KREMEN1: variants seen among roughly 807,000 people sequenced by gnomAD.
KREMEN1 encodes the protein kremen protein 1.
In KREMEN1, 30 loss-of-function variants were observed where a neutral mutation model predicts 46.5. That is an observed-to-expected ratio of 0.65 (90% CI 0.48 to 0.88). The LOEUF is 0.88. Ranked by LOEUF, KREMEN1 falls within the 40% of genes least tolerant of loss-of-function variation. The pLI is 0.00. For synonymous variants in KREMEN1, 214 were observed against 230.6 expected (o/e 0.93, Z 0.65); for missense variants, 533 against 596.9 (o/e 0.89, Z 1.11).
At chr22:29,097,994 C>T (rs1419693578) in intron 2 of KREMEN1, among the ~76,000 whole-genome samples, 1 of 152,048 alleles carries the variant, frequency 6.6e-6, no homozygotes, top group African/African-American at 2.4e-5. Flanking sequence ...CCAGACTGGC[C>T]AATATGGTGA....
rs371862559 is a variant in KREMEN1, at chr22:29,166,813, A to G, written c.1417-231A>G. On this transcript the variant is annotated intron_variant, in intron 9 of 9. Coordinates refer to the KREMEN1 transcript ENST00000327813. The stretch of plus-strand genomic sequence containing the variant: ...CCTAATGTGGTGGCACATGCCTGTA[A>G]TCCCAGCTATTCAGGAAGCTGAGGC... 1.9e-3 allele frequency among the ~76,000 whole-genome samples: 282 copies of G among 152,266 alleles called. 1 individual carries two copies. Among genetic ancestry groups the G allele is most frequent in the African/African-American group, 6.4e-3 (265 of 41,548 alleles).
chr22:29,109,361 T>C (rs879883401), intron 3 of KREMEN1, among the ~76,000 whole-genome samples: 2 of 152,170 alleles, frequency 1.3e-5, no homozygotes, highest in Admixed American at 1.3e-4. Context: ...CTCAATCTTA[T>C]GATGTAATTG....
At chr22:29,091,832 G>A (rs1214103404) in intron 1 of KREMEN1, among the ~76,000 whole-genome samples, 1 of 152,220 alleles carries the variant, frequency 6.6e-6, no homozygotes, top group African/African-American at 2.4e-5. Context: ...AAGATGATGA[G>A]AAGGGCTTTC....
chr22:29,096,342 G>T (rs1280970481), intron 2 of KREMEN1, among the ~76,000 whole-genome samples: 1 of 152,172 alleles, frequency 6.6e-6, no homozygotes, highest in Non-Finnish European at 1.5e-5. Flanking sequence ...CTTCTCAGAA[G>T]AGCTCATGTT....
chr22:29,076,790 A>T (rs186920147), intron 1 of KREMEN1, among the ~76,000 whole-genome samples: 1,642 of 152,298 alleles, frequency 0.011, 11 homozygotes, highest in Non-Finnish European at 0.016. Context: ...AGGCAGAGGT[A>T]GCGGTGAGTT....
intron 3 of KREMEN1, among the ~76,000 whole-genome samples, chr22:29,102,610 A>G (rs746381506): frequency 2.2e-4 from 34 of 152,238 alleles, no homozygotes; most frequent in Non-Finnish European, 3.7e-4. Context: ...AGTCTGGGCC[A>G]ATAGGGACTG....
At chr22:29,135,091 C>T (rs920232326) in intron 5 of KREMEN1, among the ~76,000 whole-genome samples, 2 of 152,180 alleles carry the variant, frequency 1.3e-5, no homozygotes, top group African/African-American at 2.4e-5. Flanking sequence ...CACTGCCTTG[C>T]GTCTGTGGTG....
intron 9 of KREMEN1, among the ~76,000 whole-genome samples, chr22:29,159,112 G>A (rs1354815092): frequency 2.9e-5 from 4 of 139,244 alleles, no homozygotes; most frequent in African/African-American, 1.1e-4. Context: ...GAGCCACGGT[G>A]CCCAGCCAAG....
Position 29,143,202 on chromosome 22 carries a change from A to G in KREMEN1, c.*1090A>G, listed in dbSNP as rs955353342. ...AAAAATCCATTCATTTACTCATGCA[A>G]TAAATTCTCCTGCAAGCTTTTATGG... On this transcript the variant is annotated 3_prime_UTR_variant, in exon 9 of 9. Coordinates refer to ENST00000400335, the MANE Select transcript of KREMEN1 (RefSeq NM_001039570.3). 4.2e-5 allele frequency: 41 copies of G among 985,422 alleles called. No individual in the cohort carries two copies. The South Asian group carries it at 1.4e-3, about 33-fold the overall frequency. The allele number at this position is 985,422 out of a possible 1,614,324, so 61.0% of individuals were successfully genotyped here.
intron 1 of KREMEN1, among the ~76,000 whole-genome samples, chr22:29,079,380 C>T (rs2037620493): frequency 6.6e-6 from 1 of 152,242 alleles, no homozygotes; most frequent in Non-Finnish European, 1.5e-5. Context: ...ATTTATACAA[C>T]AGGGCCCTCT....
intron 9 of KREMEN1, among the ~76,000 whole-genome samples, chr22:29,162,100 G>C (rs1230479430): frequency 6.7e-6 from 1 of 150,196 alleles, no homozygotes; most frequent in East Asian, 2.0e-4. Context: ...CTGAATAACA[G>C]AGCGAGACTC....
chr22:29,094,131 G>T (rs1182618974), intron 1 of KREMEN1, 127 bp from the exon 2 acceptor site: 4 of 734,258 alleles, frequency 5.4e-6, no homozygotes, highest in African/African-American at 1.8e-5. Context: ...ACTGCACTGT[G>T]TCCAGGATCT....
In KREMEN1 at chr22:29,143,860, A is replaced by G; in HGVS notation, c.*1748A>G. On this transcript the variant is annotated 3_prime_UTR_variant, in exon 9 of 9. Coordinates refer to ENST00000400335, the MANE Select transcript of KREMEN1 (RefSeq NM_001039570.3). Reference sequence around the variant, plus strand: ...GCACTCTTGTCCCCAGTCCCTTGCCACCCTGTCCCTTAGATAGGGAGGTGG... The same window carrying G: ...GCACTCTTGTCCCCAGTCCCTTGCCGCCCTGTCCCTTAGATAGGGAGGTGG... 1 of 985,194 alleles carries G rather than the reference A, an allele frequency of 1.0e-6. No individual in the cohort carries two copies. Among genetic ancestry groups the G allele is most frequent in the Non-Finnish European group, 1.2e-6 (1 of 829,924 alleles). 61.0% of individuals were successfully genotyped at this position (985,194 alleles called of 1,614,324 possible).
intron 1 of KREMEN1, among the ~76,000 whole-genome samples, chr22:29,078,387 C>A (rs1428202117): frequency 6.6e-6 from 1 of 151,770 alleles, no homozygotes; most frequent in Non-Finnish European, 1.5e-5. Flanking sequence ...ACTATGCCTG[C>A]AGATGTTGCT....
chr22:29,142,280 G>A lies in KREMEN1; in HGVS notation c.*168G>A. 1 of 1,329,086 alleles carries A rather than the reference G, an allele frequency of 7.5e-7. No homozygotes were observed. The highest frequency in any genetic ancestry group is 3.0e-5 in the East Asian group (1 of 33,888). 82.3% of individuals were successfully genotyped at this position (1,329,086 alleles called of 1,614,324 possible). On this transcript the variant is annotated 3_prime_UTR_variant, in exon 9 of 9. Transcript: ENST00000400335. ...ACTAGGAAGAGGCACCCTGCTGCCA[G>A]GGCAGGCAGAGCCTGGATTCCTCCT...
chr22:29,163,969 G>A (rs1405507397), intron 9 of KREMEN1, among the ~76,000 whole-genome samples: 2 of 151,976 alleles, frequency 1.3e-5, no homozygotes, highest in Non-Finnish European at 2.9e-5. Context: ...CCAGGCTGGA[G>A]TGCAGGGCCC....
chr22:29,130,215 T>A (rs746247162), intron 5 of KREMEN1, among the ~76,000 whole-genome samples: 8 of 152,222 alleles, frequency 5.3e-5, no homozygotes, highest in Non-Finnish European at 1.2e-4. Context: ...AGTTCAGTAA[T>A]CTGCCCAAGG....
intron 2 of KREMEN1, among the ~76,000 whole-genome samples, chr22:29,095,703 A>G (rs2037873380): frequency 6.6e-6 from 1 of 152,150 alleles, no homozygotes; most frequent in Admixed American, 6.5e-5. Flanking sequence ...TCTGCCCTCT[A>G]CATACCTTTG....
intron 3 of KREMEN1, among the ~76,000 whole-genome samples, chr22:29,099,654 G>A (rs894370743): frequency 3.4e-5 from 5 of 145,114 alleles, no homozygotes; most frequent in African/African-American, 1.3e-4. Flanking sequence ...AGGTTCAAGT[G>A]ATTCTCCTGC....
Sources: allele counts gnomAD v4.1 joint callset (sites outside exome capture counted in the v4.1 genomes callset), GRCh38; gene constraint gnomAD v4.1.1; transcripts MANE v1.5; gene names NCBI Gene and HGNC (gene_info 2026-07-23, HGNC 2026-07-21).